Variants in AGBL4 observed in about 807,000 individuals in gnomAD.
The protein encoded by AGBL4 is AGBL carboxypeptidase 4, also known as cytosolic carboxypeptidase 6.
In AGBL4, 58 loss-of-function variants were observed where a neutral mutation model predicts 66.4. The observed-to-expected ratio is 0.87, with a 90% CI of 0.71 to 1.09. AGBL4 has a LOEUF of 1.09. Among genes scored for constraint, AGBL4 ranks in the 50% least tolerant of loss-of-function variants. The pLI, the probability that AGBL4 is intolerant of heterozygous loss-of-function variation, is 0.00. For synonymous variants in AGBL4, 234 were observed against 222.9 expected (o/e 1.05, Z -0.44); for missense variants, 579 against 631.0 (o/e 0.92, Z 0.88).
intron 6 of AGBL4, among the ~76,000 whole-genome samples, chr1:48,779,704 CTTT>C (rs200375125): frequency 1.5e-5 from 2 of 137,180 alleles, no homozygotes; most frequent in Admixed American, 7.2e-5. Context: ...CTGTTCCTCT[CTTT>C]TTTTTTTTTT....
intron 3 of AGBL4, among the ~76,000 whole-genome samples, chr1:49,409,492 T>C (rs147543578): frequency 5.3e-5 from 8 of 152,180 alleles, no homozygotes; most frequent in African/African-American, 1.9e-4. Flanking sequence ...ATTAAGCTAA[T>C]AGGGGTGCAA....
intron 2 of AGBL4, among the ~76,000 whole-genome samples, chr1:49,726,755 A>G (rs1649060838): frequency 6.6e-6 from 1 of 152,142 alleles, no homozygotes; most frequent in African/African-American, 2.4e-5. Context: ...GATAATTTAA[A>G]TGTTGCTTAT....
intron 2 of AGBL4, among the ~76,000 whole-genome samples, chr1:49,823,778 A>ATGTGTGTGTGTG (rs10528873): frequency 0.031 from 4,561 of 147,520 alleles, 67 homozygotes; most frequent in African/African-American, 0.036. Flanking sequence ...AGGCTGCATA[A>ATGTGTGTGTGTG]TGTGTGTGTG....
chr1:48,964,001 A>C (rs1299633470), intron 5 of AGBL4, among the ~76,000 whole-genome samples: 1 of 152,226 alleles, frequency 6.6e-6, no homozygotes, highest in Non-Finnish European at 1.5e-5. Context: ...AGTAGCAAAC[A>C]AGTCTCCAGA....
intron 2 of AGBL4, among the ~76,000 whole-genome samples, chr1:49,827,150 A>C (rs531515813): frequency 1.3e-5 from 2 of 152,296 alleles, no homozygotes; most frequent in East Asian, 3.9e-4. Context: ...ATTTTAGACT[A>C]TTACAATGAT....
chr1:49,976,946 T>C (rs760859440), intron 1 of AGBL4, among the ~76,000 whole-genome samples: 1 of 152,226 alleles, frequency 6.6e-6, no homozygotes, highest in Non-Finnish European at 1.5e-5. Context: ...TATCCTTCTG[T>C]AAAAGATTAG....
intron 4 of AGBL4, among the ~76,000 whole-genome samples, chr1:49,174,378 T>TA (rs1172369137): frequency 1.3e-5 from 2 of 152,146 alleles, no homozygotes; most frequent in Non-Finnish European, 2.9e-5. Flanking sequence ...AAAAAATGGA[T>TA]AGATTTGCAG....
chr1:49,605,616 A>G (rs1645049975), intron 3 of AGBL4, among the ~76,000 whole-genome samples: 1 of 152,218 alleles, frequency 6.6e-6, no homozygotes, highest in Admixed American at 6.5e-5. Flanking sequence ...AATTTCAGTT[A>G]ACTCCCTTTT....
At chr1:49,775,655 G>C (rs2147893104) in intron 2 of AGBL4, among the ~76,000 whole-genome samples, 1 of 152,026 alleles carries the variant, frequency 6.6e-6, no homozygotes, top group African/African-American at 2.4e-5. Flanking sequence ...ACCTAAATAT[G>C]TGCTCCTTGA....
At chr1:49,952,366 A>G (rs982155481) in intron 1 of AGBL4, among the ~76,000 whole-genome samples, 1 of 151,916 alleles carries the variant, frequency 6.6e-6, no homozygotes, top group Non-Finnish European at 1.5e-5. Flanking sequence ...TGTATATAAA[A>G]TCACAAAAGT....
chr1:49,452,871 CTG>C lies in AGBL4; in HGVS notation c.283-207009_283-207008del, dbSNP rs1408552778. ...TGTCTTTTCTGTGTGAGGCACTGTG[CTG>C]TGTGTGTGTAGGAGACATAGGGGAA... is the stretch of plus-strand genomic sequence containing the variant. On this transcript the variant is annotated intron_variant, in intron 3 of 13. Coordinates refer to ENST00000371839, the MANE Select transcript of AGBL4 (RefSeq NM_032785.4). Among the ~76,000 whole-genome samples the C allele has an allele frequency of 3.3e-5, 5 of 151,876 alleles. 1 individual carries two copies. Among genetic ancestry groups the C allele is most frequent in the African/African-American group, 7.2e-5 (3 of 41,488 alleles).
At chr1:49,258,224 A>C (rs1341135848) in intron 3 of AGBL4, among the ~76,000 whole-genome samples, 1 of 152,202 alleles carries the variant, frequency 6.6e-6, no homozygotes, top group East Asian at 1.9e-4. Flanking sequence ...AGCAGAAAAA[A>C]TGGAAACTCT....
intron 3 of AGBL4, among the ~76,000 whole-genome samples, chr1:49,356,914 T>C (rs535382737): frequency 6.6e-6 from 1 of 152,298 alleles, no homozygotes; most frequent in South Asian, 2.1e-4. Flanking sequence ...CTGATTGACC[T>C]CAAAGCCACA....
intron 3 of AGBL4, among the ~76,000 whole-genome samples, chr1:49,586,306 T>A (rs1198593072): frequency 1.3e-5 from 2 of 152,160 alleles, no homozygotes; most frequent in Non-Finnish European, 2.9e-5. Context: ...AGCATCAGAG[T>A]ATGCCTAGAG....
intron 3 of AGBL4, among the ~76,000 whole-genome samples, chr1:49,516,040 T>C (rs182254168): frequency 7.4e-6 from 1 of 135,386 alleles, no homozygotes; most frequent in Non-Finnish European, 1.6e-5. Flanking sequence ...AAGTATAATT[T>C]AAAAAAAAAA....
In AGBL4 at chr1:49,008,170, G is replaced by A. The variant is rs919676206; in HGVS notation, c.594+37414C>T. Among the ~76,000 whole-genome samples the A allele has an allele frequency of 1.5e-3, 224 of 151,758 alleles. 1 individual carries two copies. Among genetic ancestry groups the A allele is most frequent in the African/African-American group, 5.2e-3 (214 of 41,478 alleles). The stretch of plus-strand genomic sequence containing the variant: ...AGACACACATAGGCTCAAAATAAAA[G>A]GATGGAGGAAGATCTACTAAGCAAA... On this transcript the variant is annotated intron_variant, in intron 5 of 13. Transcript: ENST00000371839.
At chr1:49,569,634 AC>A (rs1644286799) in intron 3 of AGBL4, among the ~76,000 whole-genome samples, 2 of 152,282 alleles carry the variant, frequency 1.3e-5, no homozygotes, top group African/African-American at 4.8e-5. Flanking sequence ...ATTCTGCCAC[AC>A]CCATAGATTG....
At chr1:48,955,420 G>T (rs1657359878) in intron 5 of AGBL4, among the ~76,000 whole-genome samples, 1 of 152,200 alleles carries the variant, frequency 6.6e-6, no homozygotes, top group South Asian at 2.1e-4. Context: ...GGCACCCAAT[G>T]AAGGATTTCC....
At chr1:48,743,519 A>G (rs1013146196) in intron 6 of AGBL4, among the ~76,000 whole-genome samples, 3 of 152,240 alleles carry the variant, frequency 2.0e-5, no homozygotes, top group Non-Finnish European at 4.4e-5. Context: ...AAATGGGTAA[A>G]TAAGGCCAAA....
Sources: gnomAD v4.1 joint callset for allele counts (sites outside exome capture counted in the v4.1 genomes callset) on GRCh38, gnomAD v4.1.1 for gene constraint, MANE v1.5 for transcripts, NCBI Gene and HGNC (gene_info 2026-07-23, HGNC 2026-07-21) for gene names.